Variants in ADCY1 observed in about 807,000 individuals in gnomAD.
The protein encoded by ADCY1 is adenylate cyclase 1, also known as adenylate cyclase type 1.
In ADCY1, 28 loss-of-function variants were observed where a neutral mutation model predicts 105.4. The ratio of observed to expected loss-of-function variants is 0.27; its 90% CI spans 0.20 to 0.36. ADCY1 has a LOEUF of 0.36. Ranked by LOEUF, ADCY1 falls within the 10% of genes least tolerant of loss-of-function variation. The pLI, the probability that ADCY1 is intolerant of heterozygous loss-of-function variation, is 1.00. For synonymous variants in ADCY1, 655 were observed against 623.8 expected (o/e 1.05, Z -0.75); for missense variants, 977 against 1,434.2 (o/e 0.68, Z 5.15).
At position 45,686,770 on chromosome 7, in the gene ADCY1, C is replaced by A. The variant is rs569147405; in HGVS notation, c.2454+97C>A. On this transcript the variant is annotated intron_variant, in intron 14 of 19. Transcript: ENST00000297323. This position sits in a 1 kb window ranked among gnomAD's most constrained non-coding sequence, Gnocchi z 4.3. ...ACGGGGGCTGCCACAGACACCCACA[C>A]GCCGTATGGCCCTCGGAGGGCCCTC... The A allele has an allele frequency of 1.4e-5, 21 of 1,480,756 alleles. No homozygotes were observed. In the South Asian group the frequency reaches 2.2e-4, roughly 15 times the overall value. The allele number at this position is 1,480,756 out of a possible 1,614,324, so 91.7% of individuals were successfully genotyped here. A position where few individuals can be genotyped will look rare whatever the true frequency, so the allele number is the denominator to read the frequency against.
chr7:45,699,559 G>A (rs118175984), intron 14 of ADCY1, among the ~76,000 whole-genome samples: 1 of 152,116 alleles, frequency 6.6e-6, no homozygotes, highest in Non-Finnish European at 1.5e-5. Context: ...CAGGGTGAGA[G>A]CTGCGGACAA....
rs577949242 is a variant in ADCY1 at position 45,686,951 on chromosome 7, C to T, written c.2454+278C>T. On this transcript the variant is annotated intron_variant, in intron 14 of 19. Transcript: ENST00000297323. This position sits in a 1 kb window ranked among gnomAD's most constrained non-coding sequence, Gnocchi z 4.3. ...TGATGGTCAGAGCGTGGCTCTTTCA[C>T]GAGGCAGTGAGTCCCCCTTCACTGA... Among the ~76,000 whole-genome samples, 2 of 152,246 alleles carry T rather than the reference C, an allele frequency of 1.3e-5. No homozygotes were observed. The highest frequency in any genetic ancestry group is 1.9e-4 in the East Asian group (1 of 5,168).
At chr7:45,621,486 T>C (rs141220408) in intron 3 of ADCY1, among the ~76,000 whole-genome samples, 1 of 152,344 alleles carries the variant, frequency 6.6e-6, no homozygotes, top group African/African-American at 2.4e-5. Context: ...TAAAAATTAT[T>C]ATAAATGATT....
chr7:45,664,197 G>A (rs563804952), intron 8 of ADCY1: 10 of 1,177,898 alleles, frequency 8.5e-6, no homozygotes, highest in East Asian at 7.7e-5. Context: ...GAAGTGCACC[G>A]TTGGGCCTAG....
At chr7:45,704,773 C>T (rs1462562009) in intron 17 of ADCY1, among the ~76,000 whole-genome samples, 157 bp downstream of exon 17, 2 of 152,150 alleles carry the variant, frequency 1.3e-5, no homozygotes, top group African/African-American at 4.8e-5. Flanking sequence ...GGCTGGCTCT[C>T]TCCAGACACA....
intron 8 of ADCY1, among the ~76,000 whole-genome samples, chr7:45,667,566 G>A (rs1215835032): frequency 6.6e-6 from 1 of 152,170 alleles, no homozygotes; most frequent in East Asian, 1.9e-4. Context: ...GTGGCATGAT[G>A]CCTCCAGCTT....
At chr7:45,675,252 G>A (rs530716864) in intron 8 of ADCY1, among the ~76,000 whole-genome samples, 4 of 151,962 alleles carry the variant, frequency 2.6e-5, no homozygotes, top group Non-Finnish European at 5.9e-5. Context: ...TAACATTACA[G>A]CCTACTGATG....
chr7:45,710,729 T>G lies in ADCY1; in HGVS notation c.3057+77T>G, dbSNP rs776766822. ...GAAACTGAGGCACAGGGGGCCAGAATTGAATCCCCAGTCTACAGCCCGTAA... is the reference window on the plus strand; with the variant it reads ...GAAACTGAGGCACAGGGGGCCAGAAGTGAATCCCCAGTCTACAGCCCGTAA... On this transcript the variant is annotated intron_variant, in intron 19 of 19. Coordinates refer to ENST00000297323, the MANE Select transcript of ADCY1 (RefSeq NM_021116.4). The surrounding 1 kb of genome is among the most constrained non-coding windows in gnomAD (Gnocchi z 4.7). 2.2e-5 allele frequency: 34 copies of G among 1,519,704 alleles called. No individual in the cohort carries two copies. The highest frequency in any genetic ancestry group is 2.8e-5 in the African/African-American group (2 of 71,858). The allele number at this position is 1,519,704 out of a possible 1,614,324, so 94.1% of individuals were successfully genotyped here. A position where few individuals can be genotyped will look rare whatever the true frequency, so the allele number is the denominator to read the frequency against.
rs369682608 is a variant in ADCY1 at position 45,662,233 on chromosome 7, C to G, written c.1605+19C>G. 1.9e-6 allele frequency: 3 copies of G among 1,607,434 alleles called. No homozygotes were observed. The African/African-American group carries it at 4.0e-5, about 21-fold the overall frequency. ...TGACAAGGTAGGAGCAGCCAGGGAG[C>G]CTGCCATGCTGGAGCTGCCAGGGAC... On this transcript the variant is annotated intron_variant, in intron 8 of 19. Coordinates refer to ENST00000297323, the MANE Select transcript of ADCY1 (RefSeq NM_021116.4).
chr7:45,644,660 T>G (rs1376610372), intron 4 of ADCY1, among the ~76,000 whole-genome samples: 1 of 152,162 alleles, frequency 6.6e-6, no homozygotes, highest in Non-Finnish European at 1.5e-5. Flanking sequence ...CTGCCAACCC[T>G]CCATCTCATC....
Position 45,678,219 on chromosome 7 carries a change from C to T in ADCY1, c.1854C>T (p.Ile618=). Residue 618 remains isoleucine, a synonymous_variant, in exon 10 of 20, where the codon ATC becomes ATT. Coordinates refer to ENST00000297323, the MANE Select transcript of ADCY1 (RefSeq NM_021116.4). ...YFTSAVVLTL[I]LAALFGLVYL... is the part of the protein sequence containing the mutation. Reference sequence around the variant, plus strand: ...CCAGCGCCGTTGTCCTCACCCTCATCCTGGCTGCCTTATTTGGCCTTGTCT... The same window carrying T: ...CCAGCGCCGTTGTCCTCACCCTCATTCTGGCTGCCTTATTTGGCCTTGTCT... 6.2e-7 allele frequency: 1 copy of T among 1,614,210 alleles called. No individual in the cohort carries two copies. Among genetic ancestry groups the T allele is most frequent in the Non-Finnish European group, 8.5e-7 (1 of 1,180,040 alleles).
chr7:45,652,894 G>A (rs908239060), intron 5 of ADCY1, among the ~76,000 whole-genome samples: 3 of 152,370 alleles, frequency 2.0e-5, no homozygotes, highest in South Asian at 2.1e-4. Context: ...GGCCAGAGCA[G>A]TGGGCTGGGG....
At chr7:45,644,587 C>G (rs993548989) in intron 4 of ADCY1, among the ~76,000 whole-genome samples, 2 of 152,192 alleles carry the variant, frequency 1.3e-5, no homozygotes, top group Non-Finnish European at 2.9e-5. Context: ...AGTCCTGTCC[C>G]TTTCAAGCCT....
intron 4 of ADCY1, among the ~76,000 whole-genome samples, chr7:45,632,383 T>C (rs1262348785): frequency 6.6e-6 from 1 of 152,202 alleles, no homozygotes; most frequent in Non-Finnish European, 1.5e-5. Flanking sequence ...TTGTTTGGGA[T>C]TTGTGTTGAA....
intron 14 of ADCY1, among the ~76,000 whole-genome samples, chr7:45,702,133 T>C (rs541998568): frequency 6.6e-6 from 1 of 152,320 alleles, no homozygotes; most frequent in Admixed American, 6.5e-5. Context: ...CTTCTCTGTT[T>C]TAACTGGTGG....
Position 45,668,223 on chromosome 7 carries a change from A to G in ADCY1, c.1605+6009A>G, listed in dbSNP as rs545098651. Among the ~76,000 whole-genome samples the G allele has an allele frequency of 6.8e-3, 1,035 of 152,270 alleles. 15 individuals carry two copies. The highest frequency in any genetic ancestry group is 0.024 in the African/African-American group (994 of 41,566). On this transcript the variant is annotated intron_variant, in intron 8 of 19. Coordinates refer to ENST00000297323, the MANE Select transcript of ADCY1 (RefSeq NM_021116.4). Reference sequence around the variant, plus strand: ...TCTTGTGCCAGTTTTCAAAGGGAACACTTCCAGTTTTTGCCCATTCAGTAT... The same window carrying G: ...TCTTGTGCCAGTTTTCAAAGGGAACGCTTCCAGTTTTTGCCCATTCAGTAT...
Position 45,574,590 on chromosome 7 carries a change from G to C in ADCY1, c.47G>C (p.Gly16Ala). ...RGGGGGGGGA[G>A]EPGGAERAAG... ...GGAGGCGGCGGCGGAGGCGGCGCGG[G>C]CGAGCCCGGGGGCGCCGAGCGGGCG... Residue 16 changes from glycine to alanine, a missense_variant, in exon 1 of 20, where the codon GGC (glycine) becomes GCC (alanine). By Grantham distance (60) the Gly-to-Ala change is moderately conservative. Around this residue, in one of 7 missense-constraint regions of ADCY1, gnomAD observed 209 missense variants for 222.5 expected, o/e 0.94. Transcript: ENST00000297323. This position sits in a 1 kb window ranked among gnomAD's most constrained non-coding sequence, Gnocchi z 7.0. 1.9e-6 allele frequency: 2 copies of C among 1,054,804 alleles called. No homozygotes were observed. The highest frequency in any genetic ancestry group is 8.8e-5 in the South Asian group (2 of 22,728). 65.3% of individuals were successfully genotyped at this position (1,054,804 alleles called of 1,614,324 possible). A position where few individuals can be genotyped will look rare whatever the true frequency, so the allele number is the denominator to read the frequency against.
chr7:45,622,850 A>C lies in ADCY1; in HGVS notation c.1020+107A>C, dbSNP rs1400610799. ...TGGACCATGAACTAGACTGATTGCTAAGCATTTCTTCCAGCAAGGTTATAA... is the reference window on the plus strand; with the variant it reads ...TGGACCATGAACTAGACTGATTGCTCAGCATTTCTTCCAGCAAGGTTATAA... On this transcript the variant is annotated intron_variant, in intron 4 of 19. Coordinates refer to ENST00000297323, the MANE Select transcript of ADCY1 (RefSeq NM_021116.4). 4 of 832,742 alleles carry C rather than the reference A, an allele frequency of 4.8e-6. No individual in the cohort carries two copies. The African/African-American group carries it at 5.1e-5, about 11-fold the overall frequency. The allele number at this position is 832,742 out of a possible 1,614,324, so 51.6% of individuals were successfully genotyped here.
intron 1 of ADCY1, among the ~76,000 whole-genome samples, chr7:45,581,999 T>C (rs998539704): frequency 2.0e-5 from 3 of 152,118 alleles, no homozygotes; most frequent in African/African-American, 7.2e-5. Context: ...CTTGCGTGCA[T>C]GCACTTACAC....
Sources: gnomAD v4.1 joint callset for allele counts (sites outside exome capture counted in the v4.1 genomes callset) on GRCh38, gnomAD v4.1.1 for gene constraint, gnomAD v4.1.1 regional missense constraint, Gnocchi (gnomAD v3.1) non-coding constraint, MANE v1.5 for transcripts, NCBI Gene and HGNC (gene_info 2026-07-23, HGNC 2026-07-21) for gene names.